The following XYLB variants were observed in gnomAD, a reference collection of about 807,000 sequenced individuals.
XYLB encodes xylulose kinase.
A neutral mutation model predicts 78.7 loss-of-function variants in XYLB; 62 were observed. The observed-to-expected ratio is 0.79, with a 90% confidence interval of 0.64 to 0.97. The LOEUF (loss-of-function observed/expected upper bound fraction) is 0.97. Ranked by LOEUF, XYLB falls within the 50% of genes least tolerant of loss-of-function variation. The pLI is 0.00. For synonymous variants in XYLB, 245 were observed against 247.4 expected (o/e 0.99, Z 0.09); for missense variants, 687 against 676.8 (o/e 1.02, Z -0.17).
In XYLB at chr3:38,358,087, C is replaced by A. The variant is rs113328230; in HGVS notation, c.141-2252C>A. Reference sequence around the variant, plus strand: ...TCCTTTTGCTATTTGTGCTTTGGTGCAGTATTGGTTAGGTTTTGGTATCAA... The same window carrying A: ...TCCTTTTGCTATTTGTGCTTTGGTGAAGTATTGGTTAGGTTTTGGTATCAA... On this transcript the variant is annotated intron_variant, in intron 2 of 18. Transcript: ENST00000207870. Among the ~76,000 whole-genome samples the A allele has an allele frequency of 9.0e-3, 1,358 of 150,230 alleles. 24 individuals carry two copies. The highest frequency in any genetic ancestry group is 0.031 in the African/African-American group (1,257 of 40,936).
chr3:38,427,877 C>T, the XYLB span, among the ~76,000 whole-genome samples: 4 of 152,208 alleles, frequency 2.6e-5, no homozygotes, highest in South Asian at 4.1e-4. Context: ...CAGGTGTGAG[C>T]CACCATGCCT....
chr3:38,421,026 T>G (rs944459087), downstream of XYLB, among the ~76,000 whole-genome samples: 2 of 152,248 alleles, frequency 1.3e-5, no homozygotes, highest in African/African-American at 4.8e-5. Flanking sequence ...TGCTCCTCGC[T>G]GAGATTGCTT....
chr3:38,389,331 C>T (rs1707543005), intron 15 of XYLB, among the ~76,000 whole-genome samples: 1 of 151,062 alleles, frequency 6.6e-6, no homozygotes, highest in African/African-American at 2.4e-5. Context: ...TGAAAAGTCT[C>T]CCATGTCTAC....
downstream of XYLB, among the ~76,000 whole-genome samples, chr3:38,418,405 A>C (rs984737358): frequency 6.6e-6 from 1 of 152,164 alleles, no homozygotes. Flanking sequence ...TAAAGGGGGA[A>C]ATTGGGCAAC....
chr3:38,395,175 ATC>A (rs994498795), intron 15 of XYLB, among the ~76,000 whole-genome samples: 5 of 152,202 alleles, frequency 3.3e-5, no homozygotes, highest in African/African-American at 1.2e-4. Context: ...GTGCTTCTAA[ATC>A]TCTGTTAAGA....
chr3:38,418,973 C>G (rs1384618589), downstream of XYLB, among the ~76,000 whole-genome samples: 1 of 152,124 alleles, frequency 6.6e-6, no homozygotes, highest in Non-Finnish European at 1.5e-5. Flanking sequence ...CAATATTATG[C>G]TACCATCACC....
At chr3:38,362,145 C>A (rs1371588645) in intron 3 of XYLB, among the ~76,000 whole-genome samples, 1 of 152,204 alleles carries the variant, frequency 6.6e-6, no homozygotes, top group Non-Finnish European at 1.5e-5. Flanking sequence ...CACGGGAGCT[C>A]TCTCCTTTGC....
rs1311272296 is a variant in XYLB, at chr3:38,376,195, A to T, written c.1083A>T (p.Ala361=). 1 of 1,613,918 alleles carries T rather than the reference A, an allele frequency of 6.2e-7. No homozygotes were observed. Among genetic ancestry groups the T allele is most frequent in the African/African-American group, 1.3e-5 (1 of 74,918 alleles). ...VSRSWSDFSK[A]LQSTEMGNGG... ...GTTCCTGGAGCGATTTCTCTAAGGC[A>T]CTGCAGTCCACAGAGATGGGCAACG... The change falls in exon 13 of 19, where the codon GCA becomes GCT. Residue 361 remains alanine (A), a synonymous_variant. Coordinates refer to ENST00000207870, the MANE Select transcript of XYLB (RefSeq NM_005108.4).
intron 9 of XYLB, chr3:38,372,311 C>CTT: frequency 2.7e-4 from 183 of 690,204 alleles, no homozygotes; most frequent in Non-Finnish European, 2.9e-4. Flanking sequence ...GTCCTGTTAC[C>CTT]TTTTTTTTTT....
the XYLB span, among the ~76,000 whole-genome samples, chr3:38,427,192 G>C: frequency 6.6e-6 from 1 of 152,146 alleles, no homozygotes; most frequent in Non-Finnish European, 1.5e-5. Context: ...CTGTATTCCT[G>C]TGTCTTTGTC....
chr3:38,360,293 C>A, intron 2 of XYLB, 46 bp from the exon 3 acceptor site: 2 of 1,570,184 alleles, frequency 1.3e-6, no homozygotes, highest in South Asian at 1.1e-5. Context: ...TTGCAATGGT[C>A]TGCCTGCCCT....
Position 38,358,282 on chromosome 3 carries a change from T to G in XYLB, c.141-2057T>G, listed in dbSNP as rs142877821. ...GGGCATGGGGTGGCTCTGGTCTTCC[T>G]TCTTAGCTGGAAATGCCAGTTTTGT... On this transcript the variant is annotated intron_variant, in intron 2 of 18. Coordinates refer to ENST00000207870, the MANE Select transcript of XYLB (RefSeq NM_005108.4). 1.8e-3 allele frequency among the ~76,000 whole-genome samples: 209 copies of G among 115,076 alleles called. 1 individual carries two copies. The highest frequency in any genetic ancestry group is 5.9e-3 in the African/African-American group (194 of 33,042). 75.5% of individuals were successfully genotyped at this position (115,076 alleles called of 152,430 possible).
At chr3:38,401,041 T>C in intron 18 of XYLB, 56 bp downstream of exon 18, 3 of 1,513,746 alleles carry the variant, frequency 2.0e-6, no homozygotes, top group Non-Finnish European at 2.8e-6. Context: ...CCCGCTAGGG[T>C]TTTTTCCCCC....
chr3:38,431,086 GTGAAGAAAGTCATTGGTA>G, the XYLB span, among the ~76,000 whole-genome samples: 1 of 152,132 alleles, frequency 6.6e-6, no homozygotes. Flanking sequence ...TTCCAATTCT[GTGAAGAAAGTCATTGGTA>G]GCTTGATGGG....
Position 38,365,219 on chromosome 3 carries a change from G to T in XYLB, c.312G>T (p.Trp104Cys), listed in dbSNP as rs770232604. 65 of 1,614,108 alleles carry T rather than the reference G, an allele frequency of 4.0e-5. No homozygotes were observed. The highest frequency in any genetic ancestry group is 5.2e-5 in the Non-Finnish European group (61 of 1,180,048). ...AACAGCAACACGGAAGTATATACTG[G>T]AAGGCTGGAGCCCAGCAGGCACTGA... ...GAGQQHGSIY[W>C]KAGAQQALTS... Residue 104 changes from tryptophan (W) to cysteine (C), a missense_variant, in exon 5 of 19, where the codon TGG (tryptophan) becomes TGT (cysteine). Transcript: ENST00000207870.
chr3:38,358,457 A>G (rs2125565636), intron 2 of XYLB, among the ~76,000 whole-genome samples: 1 of 150,486 alleles, frequency 6.6e-6, no homozygotes, highest in South Asian at 2.1e-4. Context: ...CAATTCTCCC[A>G]CCTTAGTCTC....
chr3:38,347,323 G>T (rs1206245937), intron 1 of XYLB, among the ~76,000 whole-genome samples: 1 of 152,226 alleles, frequency 6.6e-6, no homozygotes, highest in Non-Finnish European at 1.5e-5. Context: ...CAGGCGGGTA[G>T]CCCTGCGCAC....
chr3:38,443,363 G>A, the XYLB span, among the ~76,000 whole-genome samples: 1 of 152,218 alleles, frequency 6.6e-6, no homozygotes, highest in African/African-American at 2.4e-5. Flanking sequence ...CTGGGGCAGT[G>A]TGCCTTCCAG....
downstream of XYLB, among the ~76,000 whole-genome samples, chr3:38,417,600 G>A (rs75282784): frequency 6.6e-6 from 1 of 152,110 alleles, no homozygotes; most frequent in East Asian, 1.9e-4. Flanking sequence ...ACAGTTTCTA[G>A]CCCAGGCATA....
Sources: allele counts gnomAD v4.1 joint callset (sites outside exome capture counted in the v4.1 genomes callset), GRCh38; gene constraint gnomAD v4.1.1; transcripts MANE v1.5; gene names NCBI Gene and HGNC (gene_info 2026-07-23, HGNC 2026-07-21).